CNBD1: variants seen among roughly 807,000 people sequenced by gnomAD.
CNBD1 encodes the protein cyclic nucleotide-binding domain-containing protein 1.
Under a neutral mutation model 54.4 loss-of-function variants are expected in CNBD1, and 71 were observed. The observed-to-expected ratio is 1.30, with a 90% CI of 1.08 to 1.59. The LOEUF is 1.59. Ranked by LOEUF, CNBD1 falls within the 40% of genes most tolerant of loss-of-function variation. The pLI, the probability that CNBD1 is intolerant of heterozygous loss-of-function variation, is 0.00. For synonymous variants in CNBD1, 182 were observed against 170.7 expected, an observed-to-expected ratio of 1.07 and a Z score of -0.51; for missense variants, 659 against 518.0, an observed-to-expected ratio of 1.27 and a Z score of -2.64.
chr8:87,115,740 T>C (rs544897561), intron 4 of CNBD1, among the ~76,000 whole-genome samples: 4 of 152,342 alleles, frequency 2.6e-5, no homozygotes, highest in Admixed American at 1.3e-4. Flanking sequence ...CTGAGTACTA[T>C]CTTTTCTCAT....
At chr8:87,198,413 C>A (rs547919787) in intron 4 of CNBD1, among the ~76,000 whole-genome samples, 6 of 152,030 alleles carry the variant, frequency 3.9e-5, no homozygotes, top group African/African-American at 1.5e-4. Flanking sequence ...TTATATTATT[C>A]GAAATGTTTA....
At chr8:87,383,637 C>T (rs1251017004), downstream of CNBD1, among the ~76,000 whole-genome samples, 2 of 152,010 alleles carry the variant, frequency 1.3e-5, no homozygotes, top group South Asian at 2.1e-4. Flanking sequence ...GCATTGAAAG[C>T]TTTACACCAC....
intron 2 of CNBD1, among the ~76,000 whole-genome samples, chr8:87,389,885 G>A (rs1038056797): frequency 2.0e-5 from 3 of 152,120 alleles, no homozygotes; most frequent in Non-Finnish European, 4.4e-5. Context: ...GCATGGTACT[G>A]GTACCTAAAC....
At chr8:87,351,029 C>G (rs1175233494) in intron 8 of CNBD1, among the ~76,000 whole-genome samples, 1 of 152,044 alleles carries the variant, frequency 6.6e-6, no homozygotes, top group Non-Finnish European at 1.5e-5. Context: ...GTGTACCAGG[C>G]AACATGCTAA....
chr8:87,150,236 A>T (rs150448033), intron 4 of CNBD1, among the ~76,000 whole-genome samples: 126 of 152,244 alleles, frequency 8.3e-4, no homozygotes, highest in African/African-American at 2.8e-3. Context: ...AGGATGGAAA[A>T]GAACAAGGCA....
At chr8:87,231,565 C>T (rs1171661045) in intron 5 of CNBD1, among the ~76,000 whole-genome samples, 1 of 152,134 alleles carries the variant, frequency 6.6e-6, no homozygotes, top group Admixed American at 6.6e-5. Flanking sequence ...AGAATAGTGT[C>T]TCTCATATAA....
intron 10 of CNBD1, among the ~76,000 whole-genome samples, chr8:87,357,259 T>C (rs1810437930): frequency 6.6e-6 from 1 of 151,974 alleles, no homozygotes; most frequent in Non-Finnish European, 1.5e-5. Context: ...TAGTGAACTG[T>C]AAGAAGTGGG....
At chr8:87,167,968 C>T (rs963585570) in intron 4 of CNBD1, among the ~76,000 whole-genome samples, 1 of 151,908 alleles carries the variant, frequency 6.6e-6, no homozygotes, top group African/African-American at 2.4e-5. Flanking sequence ...GCAAATCTCT[C>T]CAGTATGTTA....
At chr8:87,424,517 C>G (rs1808008125) in intron 2 of CNBD1, among the ~76,000 whole-genome samples, 1 of 152,096 alleles carries the variant, frequency 6.6e-6, no homozygotes, top group African/African-American at 2.4e-5. Context: ...TTATTTCTGC[C>G]TTCATTTCGT....
intron 3 of CNBD1, among the ~76,000 whole-genome samples, chr8:86,907,501 C>G (rs1257267282): frequency 6.6e-6 from 1 of 151,828 alleles, no homozygotes; most frequent in Non-Finnish European, 1.5e-5. Context: ...AACCCTGCCT[C>G]TACTAAAATA....
chr8:86,921,589 G>A (rs1809276353), intron 3 of CNBD1, among the ~76,000 whole-genome samples: 1 of 152,028 alleles, frequency 6.6e-6, no homozygotes, highest in African/African-American at 2.4e-5. Context: ...CTTACATTGT[G>A]GGAGGCAAGA....
At chr8:87,377,039 T>C (rs1810956217) in intron 10 of CNBD1, among the ~76,000 whole-genome samples, 1 of 149,572 alleles carries the variant, frequency 6.7e-6, no homozygotes, top group Admixed American at 6.7e-5. Flanking sequence ...TTTTTACATT[T>C]AGAAAACTCC....
At chr8:87,302,794 G>T (rs1356083451) in intron 8 of CNBD1, among the ~76,000 whole-genome samples, 4 of 151,846 alleles carry the variant, frequency 2.6e-5, no homozygotes, top group African/African-American at 7.3e-5. Context: ...AAAGTCTCAG[G>T]TTACAAAATC....
intron 4 of CNBD1, among the ~76,000 whole-genome samples, chr8:87,023,965 T>A (rs903997566): frequency 6.6e-6 from 1 of 152,058 alleles, no homozygotes; most frequent in Non-Finnish European, 1.5e-5. Flanking sequence ...CGGCCAGGCG[T>A]GGTGGCTCAT....
intron 3 of CNBD1, among the ~76,000 whole-genome samples, chr8:86,933,857 T>A (rs1035745366): frequency 6.6e-6 from 1 of 152,152 alleles, no homozygotes; most frequent in Admixed American, 6.5e-5. Context: ...ACTAGTTCTA[T>A]AGTGTAACAA....
chr8:87,339,382 A>G (rs7839482), intron 8 of CNBD1, among the ~76,000 whole-genome samples: 87,403 of 151,888 alleles, frequency 0.58, 26,770 homozygotes, highest in African/African-American at 0.78. Context: ...CGCTCGCGTC[A>G]TTTCCCATGG....
chr8:87,284,964 C>CAA, intron 7 of CNBD1, 149 bp downstream of exon 7: 3 of 567,748 alleles, frequency 5.3e-6, no homozygotes, highest in Non-Finnish European at 8.7e-6. Context: ...TGACAAAAAT[C>CAA]ACTTAAGAGT....
At chr8:87,152,693 C>T (rs546193616) in intron 4 of CNBD1, among the ~76,000 whole-genome samples, 31 of 152,212 alleles carry the variant, frequency 2.0e-4, no homozygotes, top group Non-Finnish European at 4.1e-4. Flanking sequence ...TCCATCCTCA[C>T]ATGTGTTTCA....
At chr8:86,951,020 T>A (rs1211215370) in intron 4 of CNBD1, among the ~76,000 whole-genome samples, 1 of 152,156 alleles carries the variant, frequency 6.6e-6, no homozygotes, top group East Asian at 1.9e-4. Flanking sequence ...TCAGATGCAA[T>A]GTTCCCTTTT....
Sources: allele counts gnomAD v4.1 joint callset (sites outside exome capture counted in the v4.1 genomes callset), GRCh38; gene constraint gnomAD v4.1.1; transcripts MANE v1.5; gene names NCBI Gene and HGNC (gene_info 2026-07-23, HGNC 2026-07-21).